SLC1A3: variants seen among roughly 807,000 people sequenced by gnomAD.
The protein encoded by SLC1A3 is solute carrier family 1 member 3, also known as excitatory amino acid transporter 1.
A neutral mutation model predicts 48.1 loss-of-function variants in SLC1A3; 21 were observed. The observed-to-expected ratio is 0.44, with a 90% CI of 0.31 to 0.63. The LOEUF is 0.63. Among genes scored for constraint, SLC1A3 ranks in the 20% least tolerant of loss-of-function variants. SLC1A3 has a pLI of 0.08. For synonymous variants in SLC1A3, 239 were observed against 251.4 expected (o/e 0.95, Z 0.47); for missense variants, 546 against 689.0 (o/e 0.79, Z 2.32).
At chr5:36,600,156 G>A (rs1738792386) in intron 1 of SLC1A3, among the ~76,000 whole-genome samples, 1 of 152,068 alleles carries the variant, frequency 6.6e-6, no homozygotes, top group South Asian at 2.1e-4. Flanking sequence ...TACACTCAGG[G>A]TCCAGATGCT....
At chr5:36,621,051 G>A (rs979312340) in intron 2 of SLC1A3, among the ~76,000 whole-genome samples, 11 of 151,936 alleles carry the variant, frequency 7.2e-5, no homozygotes, top group African/African-American at 2.2e-4. Context: ...GACAACAGGT[G>A]TGCACCACCA....
chr5:36,619,573 G>A (rs372021134), intron 2 of SLC1A3, among the ~76,000 whole-genome samples: 9 of 152,098 alleles, frequency 5.9e-5, no homozygotes, highest in South Asian at 4.2e-4. Context: ...CCAGAAGTTC[G>A]AGACCAGCCT....
intron 3 of SLC1A3, among the ~76,000 whole-genome samples, chr5:36,657,513 C>T (rs975073486): frequency 2.0e-5 from 3 of 152,150 alleles, no homozygotes; most frequent in African/African-American, 7.2e-5. Context: ...TAAAAAAACC[C>T]TGCCCTGTTC....
rs72732530 is a variant in SLC1A3, at chr5:36,616,220, A to G, written c.181+7616A>G. Among the ~76,000 whole-genome samples, 1,170 of 152,314 alleles carry G rather than the reference A, an allele frequency of 7.7e-3. 5 individuals carry two copies. The highest frequency in any genetic ancestry group is 0.019 in the Admixed American group (289 of 15,304). ...AAAAAAAAAGATGAGTTTTATGTCA[A>G]GCTTCAGTGCTATCAAGATTGCCTA... On this transcript the variant is annotated intron_variant, in intron 2 of 9. Coordinates refer to ENST00000265113, the MANE Select transcript of SLC1A3 (RefSeq NM_004172.5).
intron 2 of SLC1A3, among the ~76,000 whole-genome samples, chr5:36,615,963 C>T (rs1042642550): frequency 6.6e-6 from 1 of 152,086 alleles, no homozygotes; most frequent in Admixed American, 6.6e-5. Flanking sequence ...TTTGGGAGGC[C>T]GAGGCGGGTG....
intron 3 of SLC1A3, chr5:36,629,799 T>C (rs1740068208): frequency 1.4e-5 from 8 of 564,864 alleles, no homozygotes; most frequent in Admixed American, 5.9e-5. Context: ...AGGAAACGAA[T>C]TTAAACAGCC....
chr5:36,666,023 T>C (rs1319380300), intron 3 of SLC1A3, among the ~76,000 whole-genome samples: 2 of 152,142 alleles, frequency 1.3e-5, no homozygotes, highest in African/African-American at 2.4e-5. Context: ...AAAAACAATA[T>C]AGTTCTAGAG....
At chr5:36,635,728 C>A (rs1162456704) in intron 3 of SLC1A3, among the ~76,000 whole-genome samples, 3 of 152,228 alleles carry the variant, frequency 2.0e-5, no homozygotes, top group African/African-American at 7.2e-5. Context: ...ATTCCACACA[C>A]TGCACCCATG....
At chr5:36,669,821 A>C (rs1298473247) in intron 3 of SLC1A3, 2 of 152,160 alleles carry the variant, frequency 1.3e-5, no homozygotes, top group Non-Finnish European at 2.9e-5. Context: ...AAATATTTAG[A>C]GTTCACACAA....
upstream of SLC1A3, among the ~76,000 whole-genome samples, chr5:36,604,519 A>G (rs1738846856): frequency 6.6e-6 from 1 of 152,284 alleles, no homozygotes; most frequent in Non-Finnish European, 1.5e-5. Context: ...CTAAAATTGG[A>G]TGAACTCTGA....
intron 1 of SLC1A3, among the ~76,000 whole-genome samples, chr5:36,607,879 C>T (rs773934850): frequency 6.6e-5 from 10 of 152,138 alleles, no homozygotes; most frequent in Non-Finnish European, 1.5e-4. Flanking sequence ...CTATCAGTAT[C>T]TTAATTATTT....
At chr5:36,668,667 CCTT>C (rs1741861299) in intron 3 of SLC1A3, 1 of 152,158 alleles carries the variant, frequency 6.6e-6, no homozygotes, top group Non-Finnish European at 1.5e-5. Flanking sequence ...GATTGAATCT[CCTT>C]CTGTGCTTTT....
chr5:36,607,478 C>T (rs1738999223), intron 1 of SLC1A3, among the ~76,000 whole-genome samples: 1 of 152,182 alleles, frequency 6.6e-6, no homozygotes, highest in Non-Finnish European at 1.5e-5. Context: ...AAACCAGAAA[C>T]CACAAGCTGT....
intron 3 of SLC1A3, chr5:36,669,760 T>C (rs1185422265): frequency 6.6e-6 from 1 of 152,170 alleles, no homozygotes; most frequent in Non-Finnish European, 1.5e-5. Context: ...CAACCAGTTA[T>C]CTGGCAATCG....
intron 3 of SLC1A3, among the ~76,000 whole-genome samples, chr5:36,666,719 T>A (rs1741763926): frequency 6.6e-6 from 1 of 152,236 alleles, no homozygotes; most frequent in South Asian, 2.1e-4. Flanking sequence ...CTTGACTGAA[T>A]GTATATTTTA....
At chr5:36,624,551 T>C (rs1194601314) in intron 2 of SLC1A3, among the ~76,000 whole-genome samples, 2 of 152,324 alleles carry the variant, frequency 1.3e-5, no homozygotes, top group East Asian at 3.9e-4. Context: ...ATAACAATAA[T>C]AGTCCTGGCC....
intron 2 of SLC1A3, among the ~76,000 whole-genome samples, chr5:36,626,928 T>A (rs990050050): frequency 1.3e-5 from 2 of 152,114 alleles, no homozygotes; most frequent in Non-Finnish European, 2.9e-5. Context: ...GAAACATGAA[T>A]TTAAGATCTA....
chr5:36,621,948 C>T (rs1739692204), intron 2 of SLC1A3, among the ~76,000 whole-genome samples: 1 of 152,168 alleles, frequency 6.6e-6, no homozygotes, highest in Non-Finnish European at 1.5e-5. Flanking sequence ...AACCTTGAGA[C>T]AAATTAGTGC....
intron 3 of SLC1A3, 71 bp downstream of exon 3, chr5:36,629,658 G>A (rs542775051): frequency 6.6e-4 from 911 of 1,372,898 alleles, no homozygotes; most frequent in Non-Finnish European, 8.3e-4. Flanking sequence ...GCTTAGAAAA[G>A]CCAGTGCTTT....
Sources: allele counts gnomAD v4.1 joint callset (sites outside exome capture counted in the v4.1 genomes callset), GRCh38; gene constraint gnomAD v4.1.1; transcripts MANE v1.5; gene names NCBI Gene and HGNC (gene_info 2026-07-23, HGNC 2026-07-21).